TENM2: variants seen among roughly 807,000 people sequenced by gnomAD.
TENM2 encodes the protein teneurin-2.
A neutral mutation model predicts 245.2 loss-of-function variants in TENM2; 52 were observed. That is an observed-to-expected ratio of 0.21 (90% CI 0.17 to 0.27). The LOEUF (loss-of-function observed/expected upper bound fraction) is 0.27. Ranked by LOEUF, TENM2 falls within the 10% of genes least tolerant of loss-of-function variation. The pLI is 1.00. For synonymous variants in TENM2, 1,363 were observed against 1,438.9 expected, an observed-to-expected ratio of 0.95 and a Z score of 1.19; for missense variants, 3,046 against 3,666.8, an observed-to-expected ratio of 0.83 and a Z score of 4.37.
the TENM2 span, among the ~76,000 whole-genome samples, chr5:167,118,074 G>A: frequency 8.5e-5 from 13 of 152,100 alleles, no homozygotes; most frequent in African/African-American, 2.7e-4. Context: ...TCTTTTATAT[G>A]ACTAAGTGAG....
intron 3 of TENM2, among the ~76,000 whole-genome samples, chr5:167,889,547 C>A (rs1186322022): frequency 1.3e-5 from 2 of 152,146 alleles, no homozygotes; most frequent in Non-Finnish European, 2.9e-5. Context: ...TTACCCACCC[C>A]CCTTTCACTC....
chr5:167,554,114 A>G (rs116382813), intron 2 of TENM2, among the ~76,000 whole-genome samples: 341 of 152,330 alleles, frequency 2.2e-3, no homozygotes, highest in Non-Finnish European at 4.2e-3. Flanking sequence ...TTCCCACCAC[A>G]GCAATATCCA....
chr5:167,327,972 A>T (rs928044484), intron 1 of TENM2, among the ~76,000 whole-genome samples: 1 of 152,202 alleles, frequency 6.6e-6, no homozygotes, highest in Non-Finnish European at 1.5e-5. Context: ...GATTTAGGCT[A>T]AGATAGTGAG....
At chr5:167,321,454 C>G in intron 1 of TENM2, among the ~76,000 whole-genome samples, 1 of 152,248 alleles carries the variant, frequency 6.6e-6, no homozygotes, top group South Asian at 2.1e-4. Flanking sequence ...TTTTCCCCTT[C>G]TGCAGTCATA....
chr5:167,728,092 G>A (rs1332633346), intron 2 of TENM2, among the ~76,000 whole-genome samples: 1 of 152,168 alleles, frequency 6.6e-6, no homozygotes, highest in Non-Finnish European at 1.5e-5. Flanking sequence ...AGGTTGGTGG[G>A]AACTGGGACC....
intron 2 of TENM2, chr5:167,755,151 CTG>C (rs1762222682): frequency 6.3e-7 from 1 of 1,599,070 alleles, no homozygotes; most frequent in Non-Finnish European, 8.5e-7. Flanking sequence ...TCACCTCAGT[CTG>C]TGAGTTTTCT....
intron 2 of TENM2, among the ~76,000 whole-genome samples, chr5:167,742,728 A>T (rs1761268788): frequency 6.6e-6 from 1 of 151,910 alleles, no homozygotes; most frequent in South Asian, 2.1e-4. Flanking sequence ...AAGCAGAAGT[A>T]TCACTTGAGG....
the TENM2 span, among the ~76,000 whole-genome samples, chr5:167,201,971 C>A: frequency 6.6e-6 from 1 of 152,190 alleles, no homozygotes; most frequent in East Asian, 1.9e-4. Context: ...TCTTGTATAA[C>A]TTGAATATAA....
intron 2 of TENM2, among the ~76,000 whole-genome samples, chr5:167,611,791 A>G (rs1407211533): frequency 6.6e-6 from 1 of 152,028 alleles, no homozygotes; most frequent in Admixed American, 6.6e-5. Flanking sequence ...TGAAAGGGGC[A>G]AAGCAGTTCT....
intron 25 of TENM2, among the ~76,000 whole-genome samples, chr5:168,234,646 G>A (rs1188518939): frequency 2.0e-5 from 3 of 152,066 alleles, no homozygotes; most frequent in African/African-American, 7.2e-5. Flanking sequence ...CTAGGCTTTT[G>A]GAAGAGAGAA....
chr5:167,908,001 G>A (rs1481213443), intron 3 of TENM2, among the ~76,000 whole-genome samples: 1 of 151,992 alleles, frequency 6.6e-6, no homozygotes, highest in African/African-American at 2.4e-5. Flanking sequence ...CCAGTCACGT[G>A]CCCATATGCC....
the TENM2 span, among the ~76,000 whole-genome samples, chr5:167,071,385 A>G: frequency 6.6e-6 from 1 of 152,210 alleles, no homozygotes; most frequent in South Asian, 2.1e-4. Flanking sequence ...GCTGTGTGAT[A>G]TAAAGACAAT....
rs527488577 is a variant in TENM2 at position 167,541,626 on chromosome 5, A to G, written c.502+166153A>G. On this transcript the variant is annotated intron_variant, in intron 2 of 28. Transcript: ENST00000518659. ...AATATATCTGCACTGAAATTTGGTC[A>G]TAATTCAAATTGCTTTAAGTGTTCT... Among the ~76,000 whole-genome samples the G allele has an allele frequency of 3.3e-5, 5 of 152,288 alleles. No homozygotes were observed. In the East Asian group the frequency reaches 9.7e-4, roughly 29 times the overall value.
intron 3 of TENM2, among the ~76,000 whole-genome samples, chr5:167,947,568 C>A (rs1700060456): frequency 6.6e-6 from 1 of 152,168 alleles, no homozygotes; most frequent in Non-Finnish European, 1.5e-5. Flanking sequence ...CTTGAAAATC[C>A]TCACCCCCAA....
At chr5:168,204,684 C>T (rs1435075280) in intron 19 of TENM2, 63 bp downstream of exon 21, 17 of 1,576,534 alleles carry the variant, frequency 1.1e-5, no homozygotes, top group East Asian at 4.5e-5. Context: ...TGAGTTTGAT[C>T]GGGTAACTGG....
chr5:167,375,866 G>C (rs892611002), intron 2 of TENM2, among the ~76,000 whole-genome samples: 1 of 151,844 alleles, frequency 6.6e-6, no homozygotes, highest in Non-Finnish European at 1.5e-5. Context: ...TTTTCGTGAC[G>C]ATCTCTTAAG....
intron 25 of TENM2, among the ~76,000 whole-genome samples, chr5:168,238,244 G>GAA (rs1018912380): frequency 1.5e-5 from 2 of 129,300 alleles, no homozygotes; most frequent in South Asian, 2.6e-4. Flanking sequence ...GAAAAGAAAA[G>GAA]AAAAGAAAAG....
chr5:168,240,525 A>G (rs1325432579), intron 25 of TENM2, among the ~76,000 whole-genome samples: 1 of 152,162 alleles, frequency 6.6e-6, no homozygotes, highest in East Asian at 1.9e-4. Context: ...CCTGCCTGAG[A>G]GTGTTGTTGT....
chr5:167,966,424 T>G (rs1228952532), intron 4 of TENM2, among the ~76,000 whole-genome samples: 6 of 152,212 alleles, frequency 3.9e-5, no homozygotes, highest in Non-Finnish European at 7.3e-5. Flanking sequence ...GCATGACAAG[T>G]GCTCAGAAAA....
Sources: allele counts gnomAD v4.1 joint callset (sites outside exome capture counted in the v4.1 genomes callset), GRCh38; gene constraint gnomAD v4.1.1; transcripts MANE v1.5; gene names NCBI Gene and HGNC (gene_info 2026-07-23, HGNC 2026-07-21).